The following ARSJ variants were observed in gnomAD, a reference collection of about 807,000 sequenced individuals.
ARSJ encodes arylsulfatase J.
In ARSJ, 26 loss-of-function variants were observed where a neutral mutation model predicts 35.9. The observed-to-expected ratio is 0.72, with a 90% CI of 0.53 to 1.00. The LOEUF is 1.00. Among genes scored for constraint, ARSJ ranks in the 50% least tolerant of loss-of-function variants. The probability of loss-of-function intolerance (pLI) is 0.00; values close to 1 mark genes in which losing one functional copy is unlikely to be tolerated. For synonymous variants in ARSJ, 294 were observed against 267.6 expected, an observed-to-expected ratio of 1.10 and a Z score of -0.96; for missense variants, 667 against 723.6, an observed-to-expected ratio of 0.92 and a Z score of 0.90.
At chr4:113,958,799 A>G (rs529501269) in intron 1 of ARSJ, among the ~76,000 whole-genome samples, 76 of 151,928 alleles carry the variant, frequency 5.0e-4, no homozygotes, top group African/African-American at 1.8e-3. Context: ...CTTTCCACTA[A>G]TTTCCCTATA....
Position 113,972,315 on chromosome 4 carries a change from AAAAC to A in ARSJ, c.398+6118_398+6121del, listed in dbSNP as rs1026057281. ...CTGGAAAAAAAAAAAAACAAAAAAAAAAACCCCACCATGATTTTCATCCCTATTT... is the reference window on the plus strand; with the variant it reads ...CTGGAAAAAAAAAAAAACAAAAAAAACCCACCATGATTTTCATCCCTATTT... On this transcript the variant is annotated intron_variant, in intron 1 of 1. Coordinates refer to ENST00000315366, the MANE Select transcript of ARSJ (RefSeq NM_024590.4). Among the ~76,000 whole-genome samples, 89 of 149,658 alleles carry A rather than the reference AAAAC, an allele frequency of 5.9e-4. 2 individuals are homozygous for A. Among genetic ancestry groups the A allele is most frequent in the South Asian group, 1.1e-3 (5 of 4,712 alleles).
rs1357471331 is a variant in ARSJ, at chr4:113,924,026, TATATATATAAATATATATAA to T, written c.399-20371_399-20352del. 2.6e-3 allele frequency among the ~76,000 whole-genome samples: 333 copies of T among 127,942 alleles called. 3 individuals are homozygous for T. The highest frequency in any genetic ancestry group is 8.7e-3 in the African/African-American group (285 of 32,822). 83.9% of individuals were successfully genotyped at this position (127,942 alleles called of 152,430 possible). Reference sequence around the variant, plus strand: ...ATCTACTATCTATAGAATCTACATATATATATATAAATATATATAAATATATATAAATATATATAAATATA... The same window carrying T: ...ATCTACTATCTATAGAATCTACATATATATATATAAATATATATAAATATA... On this transcript the variant is annotated intron_variant, in intron 1 of 1. Transcript: ENST00000315366.
chr4:113,951,644 G>A (rs1467441748), intron 1 of ARSJ, among the ~76,000 whole-genome samples: 1 of 152,054 alleles, frequency 6.6e-6, no homozygotes, highest in Non-Finnish European at 1.5e-5. Context: ...TCTCGTAGAA[G>A]AGGAGTTTAT....
chr4:113,968,438 A>C (rs1466954685), intron 1 of ARSJ, among the ~76,000 whole-genome samples: 1 of 152,210 alleles, frequency 6.6e-6, no homozygotes, highest in Non-Finnish European at 1.5e-5. Flanking sequence ...AGCAGAATGC[A>C]CTTGACTCTG....
In ARSJ at chr4:113,940,611, A is replaced by T. The variant is rs184793971; in HGVS notation, c.399-36936T>A. The stretch of plus-strand genomic sequence containing the variant: ...CCGTGGCACACGTTACCTATGTAAC[A>T]AATCTGCACATCCTGCACATGTACC... On this transcript the variant is annotated intron_variant, in intron 1 of 1. Coordinates refer to ENST00000315366, the MANE Select transcript of ARSJ (RefSeq NM_024590.4). Among the ~76,000 whole-genome samples, 362 of 151,836 alleles carry T rather than the reference A, an allele frequency of 2.4e-3. 1 individual carries two copies. The highest frequency in any genetic ancestry group is 8.1e-3 in the African/African-American group (336 of 41,448).
At chr4:113,976,247 T>C (rs1400920538) in intron 1 of ARSJ, among the ~76,000 whole-genome samples, 3 of 152,208 alleles carry the variant, frequency 2.0e-5, no homozygotes, top group African/African-American at 4.8e-5. Context: ...ATTTGAATCA[T>C]GTCACACTTC....
chr4:113,914,720 A>G (rs938531255), intron 1 of ARSJ, among the ~76,000 whole-genome samples: 4 of 152,218 alleles, frequency 2.6e-5, no homozygotes, highest in Admixed American at 6.5e-5. Flanking sequence ...AAAAATTATC[A>G]CAAGTCTATT....
chr4:113,945,690 C>T (rs1455305212), intron 1 of ARSJ, among the ~76,000 whole-genome samples: 1 of 152,084 alleles, frequency 6.6e-6, no homozygotes, highest in African/African-American at 2.4e-5. Context: ...TCCGTTGCTA[C>T]ATTTACATAT....
chr4:113,958,340 A>G (rs1159962912), intron 1 of ARSJ, among the ~76,000 whole-genome samples: 1 of 152,102 alleles, frequency 6.6e-6, no homozygotes, highest in Non-Finnish European at 1.5e-5. Flanking sequence ...ACAGAGGTAT[A>G]GAAGCAAAAT....
At chr4:113,919,829 A>C (rs1398954343) in intron 1 of ARSJ, among the ~76,000 whole-genome samples, 3 of 152,194 alleles carry the variant, frequency 2.0e-5, no homozygotes, top group Non-Finnish European at 4.4e-5. Context: ...GAGGAACCTG[A>C]AAGATGCGTA....
chr4:113,951,443 G>T (rs528805781), intron 1 of ARSJ, among the ~76,000 whole-genome samples: 223 of 152,124 alleles, frequency 1.5e-3, no homozygotes, highest in Non-Finnish European at 2.5e-3. Context: ...TAATCCTTCA[G>T]ATGTGGTCTG....
Position 113,978,532 on chromosome 4 carries a change from A to G in ARSJ, c.303T>C (p.Pro101=). 6.2e-7 allele frequency: 1 copy of G among 1,614,166 alleles called. No individual in the cohort carries two copies. The highest frequency in any genetic ancestry group is 8.5e-7 in the Non-Finnish European group (1 of 1,179,954). The change falls in exon 1 of 2, where the codon CCT becomes CCC. Residue 101 remains proline (P), a synonymous_variant. Coordinates refer to ENST00000315366, the MANE Select transcript of ARSJ (RefSeq NM_024590.4). The part of the protein sequence containing the change: ...VGYHGSEIKT[P]TLDKLAAEGV... ...CTTCGGCAGCGAGCTTGTCAAGAGT[A>G]GGTGTTTTAATCTCAGATCCGTGGT...
At chr4:113,937,855 G>T (rs1017290208) in intron 1 of ARSJ, among the ~76,000 whole-genome samples, 1 of 152,008 alleles carries the variant, frequency 6.6e-6, no homozygotes, top group Admixed American at 6.6e-5. Context: ...CCTCTTCAAG[G>T]AGAACTACAA....
At chr4:113,904,210 C>T (rs549923470) in intron 1 of ARSJ, among the ~76,000 whole-genome samples, 7 of 152,094 alleles carry the variant, frequency 4.6e-5, no homozygotes, top group Middle Eastern at 3.4e-3. Context: ...ATTACAGGTG[C>T]GAAGCCACTG....
intron 1 of ARSJ, among the ~76,000 whole-genome samples, chr4:113,964,147 TGACA>T (rs1726742300): frequency 6.6e-6 from 1 of 152,058 alleles, no homozygotes; most frequent in Non-Finnish European, 1.5e-5. Context: ...AGATAAATAA[TGACA>T]GTGAATTATC....
rs1347376470 is a variant in ARSJ at position 113,902,498 on chromosome 4, A to T, written c.1576T>A (p.Phe526Ile). Residue 526 changes from phenylalanine (F) to isoleucine (I), a missense_variant, in exon 2 of 2, where the codon TTC (phenylalanine) becomes ATC (isoleucine). Transcript: ENST00000315366. ...CTGACCGGCACTGCAGTTTTGTTGA[A>T]CTGTGAGAGCCTCCGTAGGAGCTTC... is the stretch of plus-strand genomic sequence containing the variant. ...VKKLLRRLSQ[F>I]NKTAVPVRYP... 3.7e-6 allele frequency: 6 copies of T among 1,614,064 alleles called. No homozygotes were observed. The highest frequency in any genetic ancestry group is 1.1e-5 in the South Asian group (1 of 91,074).
chr4:113,945,203 T>C (rs1360681359), intron 1 of ARSJ, among the ~76,000 whole-genome samples: 9 of 152,026 alleles, frequency 5.9e-5, no homozygotes, highest in Admixed American at 4.6e-4. Context: ...AGTGCAATGG[T>C]GAAATCACAG....
At chr4:113,924,517 G>T (rs947404166) in intron 1 of ARSJ, among the ~76,000 whole-genome samples, 3 of 151,944 alleles carry the variant, frequency 2.0e-5, no homozygotes, top group Non-Finnish European at 4.4e-5. Context: ...TCCACCCCTT[G>T]TCAACTTGAA....
chr4:113,966,867 A>G (rs1260520182), intron 1 of ARSJ, among the ~76,000 whole-genome samples: 1 of 152,164 alleles, frequency 6.6e-6, no homozygotes, highest in Non-Finnish European at 1.5e-5. Context: ...CAGCACTCTG[A>G]CAGGGTCCAG....
Sources: allele counts gnomAD v4.1 joint callset (sites outside exome capture counted in the v4.1 genomes callset), GRCh38; gene constraint gnomAD v4.1.1; transcripts MANE v1.5; gene names NCBI Gene and HGNC (gene_info 2026-07-23, HGNC 2026-07-21).